The following HSPA12A variants were observed in gnomAD, a reference collection of about 807,000 sequenced individuals.
HSPA12A encodes the protein heat shock protein family A (Hsp70) member 12A, also known as heat shock 70 kDa protein 12A.
A neutral mutation model predicts 69.2 loss-of-function variants in HSPA12A; 28 were observed. That is an observed-to-expected ratio of 0.40 (90% CI 0.30 to 0.55). The LOEUF (loss-of-function observed/expected upper bound fraction) is 0.55, where lower values mean the gene tolerates loss of function less well. Among genes scored for constraint, HSPA12A ranks in the 20% least tolerant of loss-of-function variants. The pLI, the probability that HSPA12A is intolerant of heterozygous loss-of-function variation, is 0.38. For synonymous variants in HSPA12A, 345 were observed against 370.5 expected (o/e 0.93, Z 0.79); for missense variants, 686 against 900.7 (o/e 0.76, Z 3.05).
rs782196864 is a variant in HSPA12A at position 116,681,260 on chromosome 10, G to A, written c.923-4C>T. ...TCCACAACCACATACTTATCACCTG[G>A]CACAAAAACAGCCATCTTTTACACA... On this transcript the variant is annotated splice_polypyrimidine_tract_variant and splice_region_variant and intron_variant, in intron 8 of 11. Coordinates refer to ENST00000369209, the MANE Select transcript of HSPA12A (RefSeq NM_025015.3). 1.2e-6 allele frequency: 2 copies of A among 1,611,824 alleles called. No homozygotes were observed. Among genetic ancestry groups the A allele is most frequent in the African/African-American group, 1.3e-5 (1 of 74,876 alleles).
At chr10:116,849,535 C>G (rs1295138091) in intron 1 of HSPA12A, 2 of 1,488,796 alleles carry the variant, frequency 1.3e-6, no homozygotes, top group African/African-American at 2.8e-5. Context: ...GGACCCCAGG[C>G]TAAACCCCGC....
At chr10:116,833,633 T>C (rs533140589) in intron 2 of HSPA12A, among the ~76,000 whole-genome samples, 8 of 152,226 alleles carry the variant, frequency 5.3e-5, no homozygotes, top group Non-Finnish European at 1.0e-4. Flanking sequence ...ATTGAGCACC[T>C]ACGATGTGAC....
At chr10:116,742,354 G>T in intron 1 of HSPA12A, 76 bp downstream of exon 1, 1 of 1,355,118 alleles carries the variant, frequency 7.4e-7, no homozygotes, top group Non-Finnish European at 9.6e-7. Flanking sequence ...GAGGGGGTGC[G>T]GAGCGTTGGG....
intron 2 of HSPA12A, among the ~76,000 whole-genome samples, chr10:116,776,779 T>C (rs531573308): frequency 6.6e-6 from 1 of 152,372 alleles, no homozygotes; most frequent in African/African-American, 2.4e-5. Context: ...GGGCTTAATG[T>C]AATCTTAATT....
chr10:116,780,526 ATTTATTTTATTTTATTTTAT>A (rs145237754), intron 2 of HSPA12A, among the ~76,000 whole-genome samples: 1 of 148,356 alleles, frequency 6.7e-6, no homozygotes, highest in African/African-American at 2.5e-5. Flanking sequence ...TAATTTTTTG[ATTTATTTTATTTTATTTTAT>A]TTTATTTTAT....
chr10:116,685,668 C>A (rs1175302669), intron 6 of HSPA12A, among the ~76,000 whole-genome samples: 3 of 151,680 alleles, frequency 2.0e-5, no homozygotes, highest in African/African-American at 7.3e-5. Context: ...TGCAAAGGAC[C>A]TTCAGAGCTA....
At chr10:116,838,917 G>A (rs1845760460) in intron 1 of HSPA12A, among the ~76,000 whole-genome samples, 1 of 152,212 alleles carries the variant, frequency 6.6e-6, no homozygotes, top group African/African-American at 2.4e-5. Context: ...TTTATGTAGT[G>A]AGAGCCACAC....
intron 1 of HSPA12A, among the ~76,000 whole-genome samples, chr10:116,847,790 G>C (rs913143582): frequency 1.3e-5 from 2 of 152,194 alleles, no homozygotes; most frequent in Admixed American, 1.3e-4. Flanking sequence ...GGGTTATAGG[G>C]TTATAGGGGG....
At chr10:116,807,575 G>A (rs1416168097) in intron 2 of HSPA12A, among the ~76,000 whole-genome samples, 1 of 152,136 alleles carries the variant, frequency 6.6e-6, no homozygotes, top group Non-Finnish European at 1.5e-5. Context: ...CTATGTGAAG[G>A]CAAGTCTACT....
chr10:116,717,449 G>A (rs111664918), intron 1 of HSPA12A, among the ~76,000 whole-genome samples: 305 of 152,174 alleles, frequency 2.0e-3, no homozygotes, highest in Non-Finnish European at 3.0e-3. Flanking sequence ...GCTCTATTTC[G>A]AAAACCATAA....
At chr10:116,762,734 C>A (rs138135435) in intron 2 of HSPA12A, among the ~76,000 whole-genome samples, 51 of 152,332 alleles carry the variant, frequency 3.3e-4, no homozygotes, top group African/African-American at 1.0e-3. Context: ...CAGGCACATG[C>A]CACTACGTCT....
intron 1 of HSPA12A, among the ~76,000 whole-genome samples, chr10:116,842,659 C>T (rs571963371): frequency 3.3e-5 from 5 of 152,182 alleles, no homozygotes; most frequent in East Asian, 1.9e-4. Flanking sequence ...CTCTGTCGCC[C>T]GGGTGCAATC....
intron 2 of HSPA12A, among the ~76,000 whole-genome samples, chr10:116,767,295 C>T (rs1844100814): frequency 6.6e-6 from 1 of 152,184 alleles, no homozygotes; most frequent in Admixed American, 6.5e-5. Flanking sequence ...GAAGGCTCAT[C>T]CACTGATTTA....
intron 1 of HSPA12A, among the ~76,000 whole-genome samples, chr10:116,714,442 C>T (rs10787720): frequency 0.81 from 122,777 of 152,016 alleles, 51,305 homozygotes; most frequent in Non-Finnish European, 0.92. Context: ...AGCCCTATCA[C>T]TCCTTCTAAT....
intron 2 of HSPA12A, chr10:116,750,444 G>T (rs1009132416): frequency 8.6e-6 from 5 of 579,466 alleles, no homozygotes; most frequent in Non-Finnish European, 1.6e-5. Flanking sequence ...TGATTCCCTG[G>T]TTATGATTTT....
intron 2 of HSPA12A, among the ~76,000 whole-genome samples, chr10:116,767,100 G>A (rs61753069): frequency 0.022 from 3,336 of 152,230 alleles, 117 homozygotes; most frequent in African/African-American, 0.074. Context: ...GGGCTAGAGC[G>A]GGGGCACCTG....
chr10:116,774,021 T>A (rs1295888675), intron 2 of HSPA12A, among the ~76,000 whole-genome samples: 1 of 151,918 alleles, frequency 6.6e-6, no homozygotes, highest in Middle Eastern at 3.4e-3. Flanking sequence ...GGGCTTTTTT[T>A]TTTTTTGAGA....
chr10:116,750,150 C>A (rs1851742058), intron 2 of HSPA12A: 2 of 598,350 alleles, frequency 3.3e-6, no homozygotes, highest in Admixed American at 4.4e-5. Flanking sequence ...CATGAGCTAC[C>A]AAAACATGGT....
At chr10:116,687,473 G>A (rs1849608674) in intron 6 of HSPA12A, among the ~76,000 whole-genome samples, 1 of 152,166 alleles carries the variant, frequency 6.6e-6, no homozygotes, top group African/African-American at 2.4e-5. Flanking sequence ...GCTGAGGAGA[G>A]GTGAGAAGAG....
Sources: allele counts gnomAD v4.1 joint callset (sites outside exome capture counted in the v4.1 genomes callset), GRCh38; gene constraint gnomAD v4.1.1; transcripts MANE v1.5; gene names NCBI Gene and HGNC (gene_info 2026-07-23, HGNC 2026-07-21).